The following SHANK2 variants were observed in gnomAD, a reference collection of about 807,000 sequenced individuals.
SHANK2 encodes SH3 and multiple ankyrin repeat domains 2, also known as SH3 and multiple ankyrin repeat domains protein 2.
In SHANK2, 43 loss-of-function variants were observed where a neutral mutation model predicts 133.7. That is an observed-to-expected ratio of 0.32 (90% CI 0.25 to 0.41). The LOEUF is 0.41. SHANK2 is among the 10% of genes least tolerant of loss of function. SHANK2 has a pLI of 1.00. For missense variants in SHANK2, 1,994 were observed against 2,235.8 expected (o/e 0.89, Z 2.18); for synonymous variants, 1,017 against 952.8 (o/e 1.07, Z -1.24).
At chr11:70,489,215 G>A (rs563783756) in intron 24 of SHANK2, 113 bp downstream of exon 24, 3 of 1,039,138 alleles carry the variant, frequency 2.9e-6, no homozygotes, top group South Asian at 2.5e-5. Context: ...CAGTCACTCT[G>A]AGTTGGCTGT....
At chr11:71,227,359 T>A (rs1954658740) in intron 1 of SHANK2, among the ~76,000 whole-genome samples, 1 of 151,704 alleles carries the variant, frequency 6.6e-6, no homozygotes, top group Non-Finnish European at 1.5e-5. Flanking sequence ...ATAGGTAGGA[T>A]GAAAGTAAAA....
chr11:71,092,757 C>T (rs891604909), intron 7 of SHANK2, among the ~76,000 whole-genome samples, 168 bp from the exon 8 acceptor site: 2 of 152,144 alleles, frequency 1.3e-5, no homozygotes, highest in Non-Finnish European at 2.9e-5. Context: ...AGGGTATAAC[C>T]TGGCCGGGTG....
At chr11:71,058,634 G>A (rs1950949448) in intron 9 of SHANK2, among the ~76,000 whole-genome samples, 1 of 152,246 alleles carries the variant, frequency 6.6e-6, no homozygotes, top group African/African-American at 2.4e-5. Context: ...AGGACTCAGG[G>A]CCTCAGCGCA....
Position 70,920,554 on chromosome 11 carries a change from A to G in SHANK2, c.1108-23987T>C, listed in dbSNP as rs77254098. Among the ~76,000 whole-genome samples, 20 of 152,396 alleles carry G rather than the reference A, an allele frequency of 1.3e-4. No homozygotes were observed. The East Asian group carries it at 3.8e-3, about 29-fold the overall frequency. On this transcript the variant is annotated intron_variant, in intron 10 of 25. Transcript: ENST00000601538. ...AAAATTAAAATTTAAAAAGCAAGTC[A>G]TTAAAAATCAAAAATAAAATTAAAC...
intron 17 of SHANK2, among the ~76,000 whole-genome samples, chr11:70,613,490 G>A (rs1011717683): frequency 2.0e-5 from 3 of 151,772 alleles, no homozygotes; most frequent in Admixed American, 6.6e-5. Context: ...GGCATGAGCC[G>A]CCGCACCCGG....
intron 1 of SHANK2, among the ~76,000 whole-genome samples, chr11:71,230,158 C>T (rs750110256): frequency 2.7e-4 from 41 of 152,128 alleles, no homozygotes; most frequent in South Asian, 6.2e-4. Context: ...GGTGTGGTGA[C>T]GCACACCTGT....
chr11:70,700,360 G>C (rs901309509), intron 14 of SHANK2, among the ~76,000 whole-genome samples: 1 of 152,104 alleles, frequency 6.6e-6, no homozygotes, highest in Admixed American at 6.5e-5. Context: ...CACTTCGCAG[G>C]CCCCTCCAGT....
intron 10 of SHANK2, among the ~76,000 whole-genome samples, chr11:70,955,470 C>T (rs2135914700): frequency 6.9e-6 from 1 of 145,380 alleles, no homozygotes; most frequent in African/African-American, 2.7e-5. Flanking sequence ...TGAATGTACA[C>T]ACACTTACAA....
intron 10 of SHANK2, among the ~76,000 whole-genome samples, chr11:70,899,684 C>A (rs1555076396): frequency 6.6e-6 from 1 of 152,224 alleles, no homozygotes; most frequent in African/African-American, 2.4e-5. Flanking sequence ...TGGACCCATG[C>A]CCTGGTCTGC....
At chr11:70,864,168 C>G (rs1949310069) in intron 11 of SHANK2, 1 of 207,250 alleles carries the variant, frequency 4.8e-6, no homozygotes, top group South Asian at 7.3e-5. Context: ...CCAAGGGGCC[C>G]ATCATTTGGA....
chr11:70,552,988 C>T (rs1385578527), intron 17 of SHANK2, among the ~76,000 whole-genome samples: 1 of 152,118 alleles, frequency 6.6e-6, no homozygotes, highest in Non-Finnish European at 1.5e-5. Flanking sequence ...TCCCCCGTGT[C>T]CTCATGTGGT....
At chr11:71,203,190 T>A (rs551547823) in intron 2 of SHANK2, among the ~76,000 whole-genome samples, 1 of 152,234 alleles carries the variant, frequency 6.6e-6, no homozygotes, top group South Asian at 2.1e-4. Flanking sequence ...TCTAGGGAGA[T>A]GTGCCCCAAT....
chr11:70,702,311 AATCACCATC>A (rs1945547377), intron 14 of SHANK2, among the ~76,000 whole-genome samples: 1 of 117,296 alleles, frequency 8.5e-6, no homozygotes, highest in Admixed American at 8.6e-5. Flanking sequence ...CCATCATCAC[AATCACCATC>A]ATCACCATCA....
At chr11:70,746,947 C>A (rs2921319) in intron 14 of SHANK2, among the ~76,000 whole-genome samples, 1 of 127,380 alleles carries the variant, frequency 7.9e-6, no homozygotes. Flanking sequence ...CTTTACCCCT[C>A]CACCCCCCTC....
rs1555066520 is a variant in SHANK2, at chr11:70,854,833, C to A, written c.1175-34151G>T. Among the ~76,000 whole-genome samples the A allele has an allele frequency of 5.3e-5, 8 of 152,242 alleles. 1 individual carries two copies. The South Asian group carries it at 1.7e-3, about 31-fold the overall frequency. On this transcript the variant is annotated intron_variant, in intron 11 of 25. Coordinates refer to ENST00000601538, the MANE Select transcript of SHANK2 (RefSeq NM_012309.5). The stretch of plus-strand genomic sequence containing the variant: ...GCCCCATGGCCTCTGGGGTCCTGGA[C>A]AAGCCCTCTGTCCACCACAGAGCAG...
At chr11:70,725,884 C>G (rs1946170691) in intron 14 of SHANK2, among the ~76,000 whole-genome samples, 1 of 152,224 alleles carries the variant, frequency 6.6e-6, no homozygotes, top group African/African-American at 2.4e-5. Flanking sequence ...ATCTCTGTTC[C>G]TCACAAATAC....
At chr11:70,938,148 T>G (rs1950596005) in intron 10 of SHANK2, among the ~76,000 whole-genome samples, 1 of 152,158 alleles carries the variant, frequency 6.6e-6, no homozygotes, top group Non-Finnish European at 1.5e-5. Flanking sequence ...TGGCTCAAAA[T>G]TAGCCAATTG....
chr11:70,953,206 T>C (rs559228472), intron 10 of SHANK2, among the ~76,000 whole-genome samples: 1 of 152,170 alleles, frequency 6.6e-6, no homozygotes, highest in Non-Finnish European at 1.5e-5. Context: ...GTCCGGGCCA[T>C]GGGGGTGGAT....
chr11:70,509,449 G>T (rs566579953), intron 17 of SHANK2, among the ~76,000 whole-genome samples: 8 of 152,354 alleles, frequency 5.3e-5, no homozygotes, highest in African/African-American at 1.4e-4. Flanking sequence ...ATTGAGGGGG[G>T]GCTCCCAGCA....
Sources: allele counts gnomAD v4.1 joint callset (sites outside exome capture counted in the v4.1 genomes callset), GRCh38; gene constraint gnomAD v4.1.1; transcripts MANE v1.5; gene names NCBI Gene and HGNC (gene_info 2026-07-23, HGNC 2026-07-21).